AGPAT3: variants seen among roughly 807,000 people sequenced by gnomAD.
AGPAT3 encodes 1-acylglycerol-3-phosphate O-acyltransferase 3, also known as 1-acyl-sn-glycerol-3-phosphate acyltransferase gamma.
Under a neutral mutation model 47.3 loss-of-function variants are expected in AGPAT3, and 5 were observed. That is an observed-to-expected ratio of 0.11 (90% CI 0.06 to 0.22). The LOEUF (loss-of-function observed/expected upper bound fraction) is 0.22. Ranked by LOEUF, AGPAT3 falls within the 10% of genes least tolerant of loss-of-function variation. AGPAT3 has a pLI of 1.00. For missense variants in AGPAT3, 315 were observed against 493.0 expected, an observed-to-expected ratio of 0.64 and a Z score of 3.42; for synonymous variants, 212 against 208.3, an observed-to-expected ratio of 1.02 and a Z score of -0.15.
chr21:43,978,953 C>T (rs1256032030), intron 8 of AGPAT3, among the ~76,000 whole-genome samples: 1 of 152,120 alleles, frequency 6.6e-6, no homozygotes, highest in East Asian at 1.9e-4. Context: ...AGGAAATCCT[C>T]CCAGGATGTA....
At position 43,969,104 on chromosome 21, in the gene AGPAT3, TCTC is replaced by T. The variant is rs765218085; in HGVS notation, c.349-9_349-7del. ...CGCTGAAGTGCCAGGTGCCCCTCCT[TCTC>T]CTCCCTCCAGAGCTCCAAGGTCCTC... On this transcript the variant is annotated splice_polypyrimidine_tract_variant and intron_variant, in intron 4 of 9. Transcript: ENST00000291572. 2.1e-4 allele frequency: 339 copies of T among 1,613,434 alleles called. No homozygotes were observed. The highest frequency in any genetic ancestry group is 2.8e-4 in the Non-Finnish European group (331 of 1,179,606).
At chr21:43,969,960 A>C (rs1450383376) in intron 5 of AGPAT3, among the ~76,000 whole-genome samples, 8 of 148,824 alleles carry the variant, frequency 5.4e-5, no homozygotes, top group African/African-American at 2.0e-4. Context: ...TGACCTCCCA[A>C]AGTGCTGGGA....
At chr21:43,912,920 G>A (rs1260681206) in intron 2 of AGPAT3, among the ~76,000 whole-genome samples, 1 of 152,216 alleles carries the variant, frequency 6.6e-6, no homozygotes, top group East Asian at 1.9e-4. Context: ...TTTGCCCAGC[G>A]AGTGAAATGC....
At chr21:43,945,139 C>T (rs529610349) in intron 2 of AGPAT3, among the ~76,000 whole-genome samples, 30 of 152,320 alleles carry the variant, frequency 2.0e-4, no homozygotes, top group African/African-American at 6.3e-4. Context: ...CTGCAGGTGG[C>T]GGTTTGCATA....
intron 2 of AGPAT3, among the ~76,000 whole-genome samples, chr21:43,927,185 T>G (rs2087085245): frequency 6.6e-6 from 1 of 152,116 alleles, no homozygotes. Flanking sequence ...GTACCTCGTC[T>G]TGGTTTAAAA....
intron 1 of AGPAT3, among the ~76,000 whole-genome samples, chr21:43,888,623 C>A (rs938403199): frequency 2.0e-5 from 3 of 152,190 alleles, no homozygotes; most frequent in Admixed American, 6.5e-5. Flanking sequence ...ATATCAGCAA[C>A]AAACAGGTAG....
intron 2 of AGPAT3, among the ~76,000 whole-genome samples, chr21:43,910,153 A>G (rs996998059): frequency 2.0e-5 from 3 of 152,242 alleles, no homozygotes; most frequent in Non-Finnish European, 2.9e-5. Context: ...AGGAACACAG[A>G]GGACAGAGAG....
chr21:43,981,252 G>A lies in AGPAT3; in HGVS notation c.1042+65G>A, dbSNP rs550111116. On this transcript the variant is annotated intron_variant, in intron 9 of 9. Coordinates refer to ENST00000291572, the MANE Select transcript of AGPAT3 (RefSeq NM_020132.5). The surrounding 1 kb of genome is among the most constrained non-coding windows in gnomAD (Gnocchi z 5.3). The stretch of plus-strand genomic sequence containing the variant: ...CCTCACAGTATCAGCCACAGGGTCC[G>A]GGACCTGGTGACTCATCACAGTGGC... The A allele has an allele frequency of 1.9e-4, 296 of 1,547,778 alleles. No homozygotes were observed. Among genetic ancestry groups the A allele is most frequent in the Non-Finnish European group, 2.5e-4 (279 of 1,123,576 alleles).
chr21:43,910,611 C>T (rs976458061), intron 2 of AGPAT3, among the ~76,000 whole-genome samples: 1 of 152,124 alleles, frequency 6.6e-6, no homozygotes, highest in African/African-American at 2.4e-5. Context: ...TGCTGTATGC[C>T]CACGGGGGAC....
At chr21:43,891,941 C>T (rs557138941) in intron 1 of AGPAT3, among the ~76,000 whole-genome samples, 9 of 152,288 alleles carry the variant, frequency 5.9e-5, no homozygotes, top group African/African-American at 2.2e-4. Flanking sequence ...CCAGATCCAT[C>T]AGAGGAATCA....
rs1431568852 is a variant in AGPAT3, at chr21:43,970,161, C to G, written c.511-492C>G. Among the ~76,000 whole-genome samples, 1 of 151,722 alleles carries G rather than the reference C, an allele frequency of 6.6e-6. No individual in the cohort carries two copies. Among genetic ancestry groups the G allele is most frequent in the Non-Finnish European group, 1.5e-5 (1 of 67,954 alleles). ...TTGCTGGGATTACAGGCACTCACCA[C>G]CACGACTGGCTAATTTTTGTATTTT... On this transcript the variant is annotated intron_variant, in intron 5 of 9. Transcript: ENST00000291572. The surrounding 1 kb of genome is among the most constrained non-coding windows in gnomAD (Gnocchi z 5.8).
chr21:43,981,785 A>G lies in AGPAT3; in HGVS notation c.1043-519A>G, dbSNP rs572540602. Among the ~76,000 whole-genome samples the G allele has an allele frequency of 2.6e-5, 4 of 152,042 alleles. No homozygotes were observed. In the South Asian group the frequency reaches 6.2e-4, roughly 24 times the overall value. The stretch of plus-strand genomic sequence containing the variant: ...CGTGAGCCGACTCCCCAGGCCCAGC[A>G]GCTGGGCCAGCTCCTCCCCTGCTCC... On this transcript the variant is annotated intron_variant, in intron 9 of 9. Transcript: ENST00000291572. The surrounding 1 kb of genome is among the most constrained non-coding windows in gnomAD (Gnocchi z 5.3).
At chr21:43,906,829 C>G (rs2086509548) in intron 2 of AGPAT3, among the ~76,000 whole-genome samples, 1 of 152,116 alleles carries the variant, frequency 6.6e-6, no homozygotes, top group African/African-American at 2.4e-5. Flanking sequence ...GTGGAGACAC[C>G]CGTGCTCCGC....
At chr21:43,949,262 G>C (rs1001995912) in intron 2 of AGPAT3, among the ~76,000 whole-genome samples, 1 of 152,180 alleles carries the variant, frequency 6.6e-6, no homozygotes, top group African/African-American at 2.4e-5. Context: ...CAACCATCAT[G>C]TCGGGGGGCC....
At chr21:43,873,732 T>C (rs887342794) in intron 1 of AGPAT3, among the ~76,000 whole-genome samples, 2 of 152,224 alleles carry the variant, frequency 1.3e-5, no homozygotes, top group Admixed American at 1.3e-4. Flanking sequence ...TTTTTAAATC[T>C]CTACTATATC....
intron 2 of AGPAT3, among the ~76,000 whole-genome samples, chr21:43,905,340 C>A (rs1418558174): frequency 6.6e-6 from 1 of 152,010 alleles, no homozygotes; most frequent in East Asian, 1.9e-4. Context: ...CAGGCGCCCG[C>A]CACCACGTCC....
In AGPAT3 at chr21:43,930,812, A is replaced by G. The variant is rs1157531749; in HGVS notation, c.-49+26793A>G. On this transcript the variant is annotated intron_variant, in intron 2 of 9. Transcript: ENST00000291572. This position sits in a 1 kb window ranked among gnomAD's most constrained non-coding sequence, Gnocchi z 5.0. Reference sequence around the variant, plus strand: ...CACGGTGGCCGGGGTGGCCCACGGCAGGCCAGTGTGCGGTCCTCAAGCTGC... The same window carrying G: ...CACGGTGGCCGGGGTGGCCCACGGCGGGCCAGTGTGCGGTCCTCAAGCTGC... Among the ~76,000 whole-genome samples, 4 of 152,124 alleles carry G rather than the reference A, an allele frequency of 2.6e-5. No homozygotes were observed. The highest frequency in any genetic ancestry group is 5.9e-5 in the Non-Finnish European group (4 of 68,006).
rs2086421573 is a variant in AGPAT3 at position 43,903,992 on chromosome 21, C to T, written c.-76C>T. On this transcript the variant is annotated 5_prime_UTR_variant, in exon 2 of 10. Coordinates refer to ENST00000291572, the MANE Select transcript of AGPAT3 (RefSeq NM_020132.5). ...CCGGAAGCCCTGAGGGCAGCTGTTC[C>T]CACTGGCTCTGCTGACCTTGTGCCT... 1 of 152,470 alleles carries T rather than the reference C, an allele frequency of 6.6e-6. No homozygotes were observed. Among genetic ancestry groups the T allele is most frequent in the African/African-American group, 2.4e-5 (1 of 41,422 alleles). The allele number at this position is 152,470 out of a possible 1,614,324, so 9.4% of individuals were successfully genotyped here. A position where few individuals can be genotyped will look rare whatever the true frequency, so the allele number is the denominator to read the frequency against.
rs1435278131 is a variant in AGPAT3 at position 43,981,965 on chromosome 21, A to G, written c.1043-339A>G. Reference sequence around the variant, plus strand: ...AGGGTCCTGCTCGTCCACCTCTGTCACCTGTTGGGTTTGCAAGGCCGAGCT... The same window carrying G: ...AGGGTCCTGCTCGTCCACCTCTGTCGCCTGTTGGGTTTGCAAGGCCGAGCT... On this transcript the variant is annotated intron_variant, in intron 9 of 9. Transcript: ENST00000291572. This position sits in a 1 kb window ranked among gnomAD's most constrained non-coding sequence, Gnocchi z 5.3. Among the ~76,000 whole-genome samples, 3 of 152,102 alleles carry G rather than the reference A, an allele frequency of 2.0e-5. No homozygotes were observed. The East Asian group carries it at 5.8e-4, about 29-fold the overall frequency.
Sources: gnomAD v4.1 joint callset for allele counts (sites outside exome capture counted in the v4.1 genomes callset) on GRCh38, gnomAD v4.1.1 for gene constraint, Gnocchi (gnomAD v3.1) non-coding constraint, MANE v1.5 for transcripts, NCBI Gene and HGNC (gene_info 2026-07-23, HGNC 2026-07-21) for gene names.